Variants in FRMPD4 observed in about 807,000 individuals in gnomAD.
FRMPD4 encodes the protein FERM and PDZ domain-containing protein 4.
In FRMPD4, 22 loss-of-function variants were observed where a neutral mutation model predicts 94.1. The observed-to-expected ratio is 0.23, with a 90% CI of 0.17 to 0.33. The LOEUF is 0.33. FRMPD4 is among the 10% of genes least tolerant of loss of function. FRMPD4 has a pLI of 1.00. For missense variants in FRMPD4, 1,111 were observed against 1,339.9 expected (o/e 0.83, Z 2.67); for synonymous variants, 631 against 548.6 (o/e 1.15, Z -2.10).
At chrX:12,703,857 A>C (rs1233478390) in intron 10 of FRMPD4, among the ~76,000 whole-genome samples, 3 of 111,985 alleles carry the variant, frequency 2.7e-5, no homozygotes, top group Middle Eastern at 4.6e-3. Context: ...TGGCTGGGAC[A>C]AAAGAACTGT....
At chrX:12,050,873 G>T (rs1478921292) in intron 3 of FRMPD4, among the ~76,000 whole-genome samples, 1 of 110,941 alleles carries the variant, frequency 9.0e-6, no homozygotes, top group African/African-American at 3.3e-5. Context: ...TGTACAAGAT[G>T]TTTATATTAA....
At chrX:12,598,912 T>C (rs1429457728) in intron 2 of FRMPD4, among the ~76,000 whole-genome samples, 1 of 112,147 alleles carries the variant, frequency 8.9e-6, no homozygotes, top group African/African-American at 3.2e-5. Flanking sequence ...TTATGAAATT[T>C]TCAAAGTGTG....
chrX:12,434,559 C>T, intron 1 of FRMPD4, among the ~76,000 whole-genome samples: 1 of 112,714 alleles, frequency 8.9e-6, no homozygotes, highest in Admixed American at 9.4e-5. Flanking sequence ...CCACTCGAGG[C>T]TCCTTGGCCT....
chrX:11,913,414 A>G (rs2054007192), intron 3 of FRMPD4, among the ~76,000 whole-genome samples: 1 of 112,275 alleles, frequency 8.9e-6, no homozygotes, highest in South Asian at 3.7e-4. Flanking sequence ...TCAAGGCTAA[A>G]GTCCCACCCT....
chrX:12,339,889 A>G (rs192171582), intron 1 of FRMPD4, among the ~76,000 whole-genome samples: 1,487 of 112,564 alleles, frequency 0.013, 22 homozygotes, highest in African/African-American at 0.046. Context: ...GGCTGGGATT[A>G]CAGGCGTAAG....
chrX:11,853,948 G>C (rs1158432073), intron 1 of FRMPD4, among the ~76,000 whole-genome samples: 1 of 112,159 alleles, frequency 8.9e-6, no homozygotes, highest in African/African-American at 3.2e-5. Context: ...TTTCAGGCCA[G>C]TATTCTTGAT....
intron 3 of FRMPD4, among the ~76,000 whole-genome samples, chrX:12,060,673 T>C (rs2054880514): frequency 9.0e-6 from 1 of 111,457 alleles, no homozygotes; most frequent in South Asian, 3.8e-4. Context: ...TACTCACTTG[T>C]CTTTACCTGT....
chrX:12,085,850 C>T (rs2055104628), intron 3 of FRMPD4, among the ~76,000 whole-genome samples: 1 of 111,756 alleles, frequency 8.9e-6, no homozygotes, highest in African/African-American at 3.3e-5. Flanking sequence ...GCATGGGCAA[C>T]AGAGCAAAAT....
At chrX:12,228,248 T>C (rs940631397) in intron 1 of FRMPD4, among the ~76,000 whole-genome samples, 92 of 112,537 alleles carry the variant, frequency 8.2e-4, no homozygotes, top group African/African-American at 2.8e-3. Context: ...AGGATGCTCA[T>C]GAACTTGGTT....
chrX:12,381,403 T>A (rs775278061), intron 1 of FRMPD4, among the ~76,000 whole-genome samples: 1 of 112,443 alleles, frequency 8.9e-6, no homozygotes, highest in East Asian at 2.8e-4. Context: ...TTTCAACTTT[T>A]ATGTATTAAG....
chrX:12,535,410 A>G (rs998686001), intron 2 of FRMPD4, among the ~76,000 whole-genome samples: 1 of 112,165 alleles, frequency 8.9e-6, no homozygotes, highest in Admixed American at 9.4e-5. Context: ...AAGGCCATCC[A>G]GATTTGAATC....
chrX:11,924,278 C>T (rs2054073831), intron 3 of FRMPD4, among the ~76,000 whole-genome samples: 1 of 111,947 alleles, frequency 8.9e-6, no homozygotes, highest in South Asian at 3.7e-4. Flanking sequence ...GAATCTGTGA[C>T]TGACTGGTGT....
At chrX:11,930,085 G>A (rs2054112892) in intron 3 of FRMPD4, among the ~76,000 whole-genome samples, 1 of 78,137 alleles carries the variant, frequency 1.3e-5, no homozygotes, top group Non-Finnish European at 2.3e-5. Context: ...TCCAGCCTGG[G>A]CAACAGAGTG....
At chrX:12,026,420 C>T (rs964158270) in intron 3 of FRMPD4, among the ~76,000 whole-genome samples, 2 of 110,672 alleles carry the variant, frequency 1.8e-5, no homozygotes, top group East Asian at 2.8e-4. Flanking sequence ...TTAATTTAAC[C>T]GAGAAATGTG....
intron 1 of FRMPD4, among the ~76,000 whole-genome samples, chrX:12,460,717 A>T (rs1483654661): frequency 9.0e-6 from 1 of 111,234 alleles, no homozygotes; most frequent in Non-Finnish European, 1.9e-5. Flanking sequence ...TATGTTGGGG[A>T]TTTTTTTTAA....
At chrX:12,084,038 C>T (rs765533439) in intron 3 of FRMPD4, among the ~76,000 whole-genome samples, 12 of 110,354 alleles carry the variant, frequency 1.1e-4, no homozygotes, top group Non-Finnish European at 1.3e-4. Context: ...GTTGGGAAGG[C>T]GTGATTGCTT....
At position 12,229,204 on chromosome X, in the gene FRMPD4, G is replaced by T. The variant is rs1234978300; in HGVS notation, c.41+90192G>T. 2.7e-5 allele frequency among the ~76,000 whole-genome samples: 3 copies of T among 111,627 alleles called. No homozygotes were observed. The Admixed American group carries it at 2.9e-4, about 11-fold the overall frequency. On this transcript the variant is annotated intron_variant, in intron 1 of 16. Coordinates refer to ENST00000675598, the MANE Select transcript of FRMPD4 (RefSeq NM_001368397.1). ...GGCTAAAATTGTGATGTGAGCAAAG[G>T]TTGTTTGCTTTTTTTTCCCGAGTCA...
chrX:11,914,800 G>C (rs749044951), intron 3 of FRMPD4, among the ~76,000 whole-genome samples: 1 of 112,144 alleles, frequency 8.9e-6, no homozygotes, highest in East Asian at 2.8e-4. Flanking sequence ...ATTATTCTCT[G>C]TGTACTGTTC....
chrX:12,714,490 T>C (rs1432298158), intron 14 of FRMPD4, among the ~76,000 whole-genome samples: 1 of 111,955 alleles, frequency 8.9e-6, no homozygotes, highest in Non-Finnish European at 1.9e-5. Context: ...ACACTTTTTC[T>C]AAATAAGGTC....
Sources: allele counts gnomAD v4.1 joint callset (sites outside exome capture counted in the v4.1 genomes callset), GRCh38; gene constraint gnomAD v4.1.1; transcripts MANE v1.5; gene names NCBI Gene and HGNC (gene_info 2026-07-23, HGNC 2026-07-21).